Variants in FCHSD2 observed in about 807,000 individuals in gnomAD.
FCHSD2 encodes FCH and double SH3 domains 2.
FCHSD2 carries 38 observed loss-of-function variants against 108.1 expected under a neutral mutation model. The observed-to-expected ratio is 0.35, with a 90% CI of 0.27 to 0.46. FCHSD2 has a LOEUF of 0.46. Ranked by LOEUF, FCHSD2 falls within the 20% of genes least tolerant of loss-of-function variation. FCHSD2 has a pLI of 1.00. For synonymous variants in FCHSD2, 279 were observed against 314.7 expected (o/e 0.89, Z 1.20); for missense variants, 751 against 897.8 (o/e 0.84, Z 2.09).
At chr11:72,999,707 T>A (rs772492272) in intron 5 of FCHSD2, among the ~76,000 whole-genome samples, 1 of 152,184 alleles carries the variant, frequency 6.6e-6, no homozygotes, top group Non-Finnish European at 1.5e-5. Flanking sequence ...CAGAGGTAGT[T>A]AAACTCTCTA....
chr11:73,089,263 G>A (rs544982271), intron 2 of FCHSD2, among the ~76,000 whole-genome samples: 19 of 152,158 alleles, frequency 1.2e-4, no homozygotes, highest in African/African-American at 4.6e-4. Context: ...ATTAATGGAT[G>A]CTATAATAAA....
At position 73,002,857 on chromosome 11, in the gene FCHSD2, A is replaced by G. The variant is rs192585468; in HGVS notation, c.243-1723T>C. ...TCTTGGTTCCAGCACTTTTCTTTTA[A>G]TTATAAATATTTTAATGTAATTGTT... On this transcript the variant is annotated intron_variant, in intron 4 of 19. Transcript: ENST00000409418. 3.9e-5 allele frequency among the ~76,000 whole-genome samples: 6 copies of G among 152,278 alleles called. No individual in the cohort carries two copies. In the East Asian group the frequency reaches 1.2e-3, roughly 29 times the overall value.
chr11:73,035,607 C>G (rs1053796347), intron 3 of FCHSD2, among the ~76,000 whole-genome samples: 2 of 151,972 alleles, frequency 1.3e-5, no homozygotes, highest in African/African-American at 4.8e-5. Flanking sequence ...GTGCTTAATA[C>G]CTTCATCTAT....
At chr11:72,886,221 G>A (rs1055586115) in intron 12 of FCHSD2, among the ~76,000 whole-genome samples, 1 of 152,176 alleles carries the variant, frequency 6.6e-6, no homozygotes, top group Non-Finnish European at 1.5e-5. Flanking sequence ...TCTCAGGAGT[G>A]CTTATTCTGT....
At chr11:73,046,747 G>C (rs1440941111) in intron 3 of FCHSD2, among the ~76,000 whole-genome samples, 4 of 152,062 alleles carry the variant, frequency 2.6e-5, no homozygotes, top group African/African-American at 9.7e-5. Context: ...GTATTTGTTT[G>C]TTTATTGATT....
In FCHSD2 at chr11:72,843,521, T is replaced by C. The variant is rs765782454; in HGVS notation, c.1455A>G (p.Pro485=). ...CATGTTCCTCAATGGTCAACTCATCTGGTTGAGAAGCCTGCAGTGTAGGAT... is the reference window on the plus strand; with the variant it reads ...CATGTTCCTCAATGGTCAACTCATCCGGTTGAGAAGCCTGCAGTGTAGGAT... ...KVVYSYKASQ[P]DELTIEEHEV... The change falls in exon 15 of 20, where the codon CCA becomes CCG. Residue 485 remains proline (P), a synonymous_variant. Coordinates refer to ENST00000409418, the MANE Select transcript of FCHSD2 (RefSeq NM_014824.3). 1.6e-5 allele frequency: 25 copies of C among 1,612,896 alleles called. No individual in the cohort carries two copies. The Admixed American group carries it at 2.7e-4, about 17-fold the overall frequency.
At chr11:73,054,086 T>C (rs1032750344) in intron 3 of FCHSD2, among the ~76,000 whole-genome samples, 4 of 152,204 alleles carry the variant, frequency 2.6e-5, no homozygotes, top group South Asian at 4.1e-4. Flanking sequence ...AAATAAAGTT[T>C]GACTGGAAGA....
At chr11:72,930,825 G>A (rs1856174366) in intron 8 of FCHSD2, among the ~76,000 whole-genome samples, 1 of 152,144 alleles carries the variant, frequency 6.6e-6, no homozygotes, top group Admixed American at 6.5e-5. Flanking sequence ...TGAGGAGGAG[G>A]TAGGGATGGC....
At chr11:73,040,528 C>T (rs1285026715) in intron 3 of FCHSD2, among the ~76,000 whole-genome samples, 2 of 152,148 alleles carry the variant, frequency 1.3e-5, no homozygotes, top group Non-Finnish European at 2.9e-5. Context: ...CAAGTCCATT[C>T]TGTTGGTGAT....
chr11:73,049,709 G>T (rs1283817182), intron 3 of FCHSD2, among the ~76,000 whole-genome samples: 1 of 151,312 alleles, frequency 6.6e-6, no homozygotes, highest in Non-Finnish European at 1.5e-5. Context: ...AAAGAAAAAG[G>T]GGGAAAGAGA....
intron 2 of FCHSD2, among the ~76,000 whole-genome samples, chr11:73,101,421 T>G (rs1291556966): frequency 6.6e-6 from 1 of 152,112 alleles, no homozygotes; most frequent in Non-Finnish European, 1.5e-5. Flanking sequence ...AAGGCTGTAC[T>G]CTTGTTGTTA....
intron 3 of FCHSD2, among the ~76,000 whole-genome samples, chr11:73,027,449 C>T (rs1274292470): frequency 1.3e-5 from 2 of 152,160 alleles, no homozygotes; most frequent in East Asian, 3.9e-4. Context: ...TGTAACCTGG[C>T]TTTTTCTGAA....
intron 12 of FCHSD2, among the ~76,000 whole-genome samples, chr11:72,881,203 A>G (rs531913648): frequency 1.4e-4 from 22 of 152,336 alleles, no homozygotes; most frequent in African/African-American, 5.3e-4. Flanking sequence ...ATCTTATTAA[A>G]AATTGGGCAA....
At chr11:72,968,069 C>G (rs1025509075) in intron 8 of FCHSD2, among the ~76,000 whole-genome samples, 20 of 133,440 alleles carry the variant, frequency 1.5e-4, no homozygotes, top group African/African-American at 5.7e-4. Context: ...CCAGCCTGGG[C>G]AACAGAGCAA....
At chr11:72,985,264 G>A (rs569456432) in intron 6 of FCHSD2, 148 bp from the exon 7 acceptor site, 3 of 183,572 alleles carry the variant, frequency 1.6e-5, no homozygotes, top group South Asian at 3.6e-4. Context: ...CAAGAGTAAT[G>A]ATTATTTTCC....
At position 73,015,870 on chromosome 11, in the gene FCHSD2, C is replaced by T; in HGVS notation, c.181G>A (p.Ala61Thr). 6.3e-7 allele frequency: 1 copy of T among 1,595,390 alleles called. No individual in the cohort carries two copies. Among genetic ancestry groups the T allele is most frequent in the Non-Finnish European group, 8.6e-7 (1 of 1,166,472 alleles). ...CAATCTCTCTTCAGGTATTGACTAG[C>T]CAACTTCTGCATACCCTGTTAAAAA... ...REYAQGMQKL[A>T]SQYLKRDWPG... Residue 61 changes from alanine (A) to threonine (T), a missense_variant, in exon 4 of 20, where the codon GCT becomes ACT. Coordinates refer to ENST00000409418, the MANE Select transcript of FCHSD2 (RefSeq NM_014824.3).
At chr11:72,942,828 C>A (rs1856446602) in intron 8 of FCHSD2, among the ~76,000 whole-genome samples, 1 of 152,128 alleles carries the variant, frequency 6.6e-6, no homozygotes, top group Non-Finnish European at 1.5e-5. Flanking sequence ...ATCACCCAGG[C>A]TGGAGTGCAG....
At position 73,095,181 on chromosome 11, in the gene FCHSD2, G is replaced by A. The variant is rs140144850; in HGVS notation, c.120-11441C>T. Among the ~76,000 whole-genome samples the A allele has an allele frequency of 5.3e-4, 81 of 152,180 alleles. No individual in the cohort carries two copies. In the East Asian group the frequency reaches 0.015, roughly 28 times the overall value. On this transcript the variant is annotated intron_variant, in intron 2 of 19. Coordinates refer to ENST00000409418, the MANE Select transcript of FCHSD2 (RefSeq NM_014824.3). ...TGACCTTGAGCGAGTTAACTTTCCT[G>A]ACTGTGCTTCAGTTTCCTATCAATA... is the stretch of plus-strand genomic sequence containing the variant.
At position 72,909,059 on chromosome 11, in the gene FCHSD2, C is replaced by A. The variant is rs184243700; in HGVS notation, c.829-6421G>T. Among the ~76,000 whole-genome samples, 162 of 152,260 alleles carry A rather than the reference C, an allele frequency of 1.1e-3. 3 individuals are homozygous for A. The highest frequency in any genetic ancestry group is 1.9e-4 in the Non-Finnish European group (13 of 68,024). ...TTTCCACCTCTCCCTTCCCCTCCCC[C>A]CTCCATCTCTCCGGTCTCCCTCTGT... On this transcript the variant is annotated intron_variant, in intron 9 of 19. Transcript: ENST00000409418.
Sources: allele counts gnomAD v4.1 joint callset (sites outside exome capture counted in the v4.1 genomes callset), GRCh38; gene constraint gnomAD v4.1.1; transcripts MANE v1.5; gene names NCBI Gene and HGNC (gene_info 2026-07-23, HGNC 2026-07-21).